The following COL6A3 variants were observed in gnomAD, a reference collection of about 807,000 sequenced individuals.
COL6A3 encodes the protein collagen alpha-3(VI) chain.
Under a neutral mutation model 274.1 loss-of-function variants are expected in COL6A3, and 137 were observed. The observed-to-expected ratio is 0.50, with a 90% CI of 0.44 to 0.58. The LOEUF is 0.58. Among genes scored for constraint, COL6A3 ranks in the 20% least tolerant of loss-of-function variants. COL6A3 has a pLI of 0.00. For missense variants in COL6A3, 3,950 were observed against 4,124.9 expected, an observed-to-expected ratio of 0.96 and a Z score of 1.16; for synonymous variants, 1,650 against 1,650.6, an observed-to-expected ratio of 1.00 and a Z score of 0.01.
intron 36 of COL6A3, 116 bp from the exon 37 acceptor site, chr2:237,342,277 G>T: frequency 6.3e-6 from 5 of 788,242 alleles, no homozygotes; most frequent in African/African-American, 1.7e-5. Context: ...TTCCCAATAG[G>T]GCAGTATTGG....
intron 42 of COL6A3, chr2:237,327,510 C>T (rs1460682045): frequency 6.6e-6 from 1 of 152,258 alleles, no homozygotes; most frequent in Non-Finnish European, 1.5e-5. Context: ...AGTTCCACAC[C>T]ACGGCACTGG....
intron 43 of COL6A3, 64 bp downstream of exon 43, chr2:237,325,496 A>C: frequency 6.5e-7 from 1 of 1,544,640 alleles, no homozygotes. Context: ...ATATTTTTCA[A>C]GGTGACTTAT....
intron 38 of COL6A3, 69 bp downstream of exon 38, chr2:237,340,383 G>T: frequency 6.9e-7 from 1 of 1,440,658 alleles, no homozygotes; most frequent in Non-Finnish European, 9.6e-7. Context: ...TTCCATGACT[G>T]TTCCTACACT....
chr2:237,333,226 C>T (rs1304212838), intron 42 of COL6A3: 2 of 598,570 alleles, frequency 3.3e-6, no homozygotes, highest in Non-Finnish European at 6.0e-6. Context: ...CCAAAAGCAC[C>T]TCCCATCAAA....
At position 237,387,928 on chromosome 2, in the gene COL6A3, G is replaced by A. The variant is rs369160080; in HGVS notation, c.966C>T (p.Ile322=). ...CCACCACGAAATCAAGGGCGAGGCC[G>A]ATATTGGCCAACTCCCCACCAGCAA... The part of the protein sequence containing the change: ...LGFAGGELAN[I]GLALDFVVEN... The change falls in exon 4 of 44, where the codon ATC becomes ATT. Residue 322 remains isoleucine, a synonymous_variant. Coordinates refer to ENST00000295550, the MANE Select transcript of COL6A3 (RefSeq NM_004369.4). 1.1e-5 allele frequency: 18 copies of A among 1,614,040 alleles called. No individual in the cohort carries two copies. The highest frequency in any genetic ancestry group is 1.1e-4 in the East Asian group (5 of 44,886).
At chr2:237,389,069 C>G (rs899799809) in intron 3 of COL6A3, among the ~76,000 whole-genome samples, 1 of 152,078 alleles carries the variant, frequency 6.6e-6, no homozygotes, top group Admixed American at 6.6e-5. Flanking sequence ...CCATGAGCAT[C>G]GAATAAACCC....
intron 37 of COL6A3, among the ~76,000 whole-genome samples, chr2:237,341,795 G>A (rs1366752513): frequency 6.6e-6 from 1 of 152,146 alleles, no homozygotes; most frequent in Non-Finnish European, 1.5e-5. Flanking sequence ...TTTCATTCTA[G>A]ATTCTAATGT....
intron 39 of COL6A3, 37 bp downstream of exon 39, chr2:237,338,978 C>A (rs369941690): frequency 7.1e-6 from 11 of 1,546,242 alleles, no homozygotes; most frequent in Non-Finnish European, 9.8e-6. Flanking sequence ...TTCCCTGCAG[C>A]GCTACAATTT....
At chr2:237,331,252 T>A (rs1327521647) in intron 42 of COL6A3, among the ~76,000 whole-genome samples, 1 of 152,226 alleles carries the variant, frequency 6.6e-6, no homozygotes, top group Non-Finnish European at 1.5e-5. Context: ...ATGCAGTTAT[T>A]ATCTTTTTTT....
At chr2:237,367,413 A>G in intron 10 of COL6A3, 127 bp from the exon 11 acceptor site, 3 of 1,173,704 alleles carry the variant, frequency 2.6e-6, no homozygotes, top group Non-Finnish European at 2.3e-6. Context: ...TGAAACCTTC[A>G]CTCAAATCCA....
At chr2:237,404,254 A>G (rs1475763543) in intron 1 of COL6A3, among the ~76,000 whole-genome samples, 1 of 152,140 alleles carries the variant, frequency 6.6e-6, no homozygotes, top group Non-Finnish European at 1.5e-5. Context: ...CCCACAGTTG[A>G]GTGCAAAATT....
chr2:237,345,118 T>G (rs998878776), intron 33 of COL6A3, 24 bp from the exon 34 acceptor site: 2 of 1,613,900 alleles, frequency 1.2e-6, no homozygotes, highest in African/African-American at 1.3e-5. Context: ...TAAAAGAATA[T>G]GTAAAGAGAG....
intron 42 of COL6A3, chr2:237,330,132 G>GTTGT (rs2106305195): frequency 1.3e-5 from 2 of 152,278 alleles, no homozygotes; most frequent in South Asian, 4.1e-4. Context: ...TGTTGTTGTT[G>GTTGT]TTGTTGTTTA....
At position 237,345,188 on chromosome 2, in the gene COL6A3, G is replaced by A. The variant is rs1325058239; in HGVS notation, c.7118C>T (p.Ser2373Phe). ...PAGPKGNRGD[S>F]IDQCALIQSI... Reference sequence around the variant, plus strand: ...TGGACACATGCAACTTACATCGATGGAGTCGCCCCTGTTGCCCTTGGGACC... The same window carrying A: ...TGGACACATGCAACTTACATCGATGAAGTCGCCCCTGTTGCCCTTGGGACC... The change falls in exon 33 of 44, where the codon TCC becomes TTC. Residue 2373 changes from serine to phenylalanine, a missense_variant. Ser to Phe is a radical substitution (Grantham distance 155). Around this residue, in one of 5 missense-constraint regions of COL6A3, gnomAD observed 1,284 missense variants for 1,349.7 expected, o/e 0.95. Coordinates refer to ENST00000295550, the MANE Select transcript of COL6A3 (RefSeq NM_004369.4). 6.2e-7 allele frequency: 1 copy of A among 1,614,058 alleles called. No homozygotes were observed. The highest frequency in any genetic ancestry group is 2.2e-5 in the East Asian group (1 of 44,894).
At chr2:237,354,641 C>T (rs539425380) in intron 24 of COL6A3, among the ~76,000 whole-genome samples, 21 of 152,292 alleles carry the variant, frequency 1.4e-4, no homozygotes, top group Admixed American at 5.9e-4. Flanking sequence ...ACATCTCACA[C>T]ATATTGATTG....
chr2:237,381,049 T>C lies in COL6A3; in HGVS notation c.1763A>G (p.Asp588Gly). ...MAFAIGNKGA[D>G]QAELEEIAFD... is the part of the protein sequence containing the mutation. ...AGCGATCTCTTCCAGCTCAGCCTGA[T>C]CGGCACCCTTGTTCCCAATGGCAAA... The change falls in exon 5 of 44, where the codon GAT becomes GGT. Residue 588 changes from aspartate to glycine, a missense_variant. Physicochemically the swap from Asp to Gly is moderately conservative, Grantham distance 94. Coordinates refer to ENST00000295550, the MANE Select transcript of COL6A3 (RefSeq NM_004369.4). The C allele has an allele frequency of 6.2e-7, 1 of 1,614,190 alleles. No individual in the cohort carries two copies. Among genetic ancestry groups the C allele is most frequent in the Non-Finnish European group, 8.5e-7 (1 of 1,180,040 alleles).
At position 237,347,699 on chromosome 2, in the gene COL6A3, C is replaced by T; in HGVS notation, c.7029+108G>A. ...TTCCCTTCCTTCCACCCTGTGCTAT[C>T]CCTGGCCAGGGTGCAAGTGAAGGAT... On this transcript the variant is annotated intron_variant, in intron 31 of 43. Transcript: ENST00000295550. 6.1e-6 allele frequency: 7 copies of T among 1,150,680 alleles called. No individual in the cohort carries two copies. The South Asian group carries it at 7.9e-5, about 13-fold the overall frequency. The allele number at this position is 1,150,680 out of a possible 1,614,324, so 71.3% of individuals were successfully genotyped here.
At chr2:237,358,138 C>T (rs377627578) in intron 21 of COL6A3, among the ~76,000 whole-genome samples, 4 of 152,156 alleles carry the variant, frequency 2.6e-5, no homozygotes, top group East Asian at 1.9e-4. Context: ...CTCACTCCTG[C>T]TTATCCTTGG....
chr2:237,406,909 T>A (rs1208864282), intron 1 of COL6A3, among the ~76,000 whole-genome samples: 1 of 137,752 alleles, frequency 7.3e-6, no homozygotes, highest in Admixed American at 7.1e-5. Context: ...TTTTTTCCCT[T>A]TTTTTTTTTT....
Sources: gnomAD v4.1 joint callset for allele counts (sites outside exome capture counted in the v4.1 genomes callset) on GRCh38, gnomAD v4.1.1 for gene constraint, gnomAD v4.1.1 regional missense constraint, MANE v1.5 for transcripts, NCBI Gene and HGNC (gene_info 2026-07-23, HGNC 2026-07-21) for gene names.